Variants in F2 observed in about 807,000 individuals in gnomAD.
The protein encoded by F2 is prothrombin.
In F2, 34 loss-of-function variants were observed where a neutral mutation model predicts 81.9. The ratio of observed to expected loss-of-function variants is 0.42; its 90% CI spans 0.32 to 0.55. The LOEUF is 0.55. F2 is among the 20% of genes least tolerant of loss of function. The pLI is 0.18. For missense variants in F2, 630 were observed against 833.4 expected (o/e 0.76, Z 3.00); for synonymous variants, 296 against 326.4 (o/e 0.91, Z 1.01).
Position 46,726,048 on chromosome 11 carries a change from A to G in F2, c.749A>G (p.Asp250Gly). The change falls in exon 7 of 14, where the codon GAC (aspartate) becomes GGC (glycine). Residue 250 changes from aspartate (D) to glycine (G), a missense_variant. Transcript: ENST00000311907. This position sits in a 1 kb window ranked among gnomAD's most constrained non-coding sequence, Gnocchi z 5.9. ...AQAKALSKHQ[D>G]FNSAVQLVEN... ...GCCAAGGCCCTGAGCAAGCACCAGGACTTCAACTCAGCTGTGCAGCTGGTG... is the reference window on the plus strand; with the variant it reads ...GCCAAGGCCCTGAGCAAGCACCAGGGCTTCAACTCAGCTGTGCAGCTGGTG... 1 of 1,614,174 alleles carries G rather than the reference A, an allele frequency of 6.2e-7. No homozygotes were observed. The highest frequency in any genetic ancestry group is 8.5e-7 in the Non-Finnish European group (1 of 1,180,024).
intron 6 of F2, among the ~76,000 whole-genome samples, chr11:46,724,558 C>T (rs1292750984): frequency 6.6e-6 from 1 of 152,182 alleles, no homozygotes; most frequent in African/African-American, 2.4e-5. Context: ...GCACAGTCAG[C>T]CCTGCCCACG....
chr11:46,731,457 A>G (rs2064911436), intron 12 of F2, among the ~76,000 whole-genome samples: 1 of 152,136 alleles, frequency 6.6e-6, no homozygotes, highest in Admixed American at 6.6e-5. Flanking sequence ...CTGGGATTAC[A>G]GGCGTGAGCC....
In F2 at chr11:46,726,386, G is replaced by A. The variant is rs1283328474; in HGVS notation, c.875-112G>A. The A allele has an allele frequency of 1.3e-6, 2 of 1,540,252 alleles. No individual in the cohort carries two copies. The highest frequency in any genetic ancestry group is 1.8e-6 in the Non-Finnish European group (2 of 1,139,208). On this transcript the variant is annotated intron_variant, in intron 7 of 13. Transcript: ENST00000311907. This position sits in a 1 kb window ranked among gnomAD's most constrained non-coding sequence, Gnocchi z 5.9. ...CCTAGTAGCCCAACTGTGCATGCAC[G>A]CTTAACCTCTGCACCAAATGGCCTC...
At chr11:46,729,651 C>A in intron 12 of F2, 90 bp downstream of exon 12, 1 of 1,466,060 alleles carries the variant, frequency 6.8e-7, no homozygotes, top group Non-Finnish European at 9.3e-7. Flanking sequence ...TGACTTTGAG[C>A]AAGTTGCCTA....
intron 12 of F2, 131 bp from the exon 13 acceptor site, chr11:46,738,917 G>A (rs2064960428): frequency 7.9e-6 from 7 of 890,956 alleles, no homozygotes; most frequent in South Asian, 5.5e-5. Flanking sequence ...GATTGGATGG[G>A]TAGGGTGAGG....
intron 12 of F2, among the ~76,000 whole-genome samples, chr11:46,735,749 CCT>C (rs1240610314): frequency 6.6e-6 from 1 of 151,660 alleles, no homozygotes; most frequent in African/African-American, 2.4e-5. Context: ...ATGGAAAAAC[CCT>C]GTCTCTGCTA....
rs114621986 is a variant in F2 at position 46,731,682 on chromosome 11, C to G, written c.1654+2121C>G. On this transcript the variant is annotated intron_variant, in intron 12 of 13. Coordinates refer to ENST00000311907, the MANE Select transcript of F2 (RefSeq NM_000506.5). Reference sequence around the variant, plus strand: ...GAGTGCAGTCTGGTTATTTTGTACACTGGCCCTGAATCCGGGTTTGTCTAA... The same window carrying G: ...GAGTGCAGTCTGGTTATTTTGTACAGTGGCCCTGAATCCGGGTTTGTCTAA... 1.7e-3 allele frequency among the ~76,000 whole-genome samples: 259 copies of G among 151,870 alleles called. 3 individuals are homozygous for G. Among genetic ancestry groups the G allele is most frequent in the African/African-American group, 6.1e-3 (252 of 41,396 alleles).
chr11:46,728,013 G>C lies in F2; in HGVS notation c.1148G>C (p.Arg383Pro). The C allele has an allele frequency of 6.2e-7, 1 of 1,610,516 alleles. No homozygotes were observed. The highest frequency in any genetic ancestry group is 8.5e-7 in the Non-Finnish European group (1 of 1,178,984). The change falls in exon 10 of 14, where the codon CGG becomes CCG. Residue 383 changes from arginine (R) to proline (P), a missense_variant. By Grantham distance (103) the Arg-to-Pro change is moderately radical. Coordinates refer to ENST00000311907, the MANE Select transcript of F2 (RefSeq NM_000506.5). This position sits in a 1 kb window ranked among gnomAD's most constrained non-coding sequence, Gnocchi z 5.1. The part of the protein sequence containing the change: ...GMSPWQVMLF[R>P]KSPQELLCGA... Reference sequence around the variant, plus strand: ...CCTCCCAGGCAGGTGATGCTTTTCCGGAAGAGTCCCCAGGAGCTGCTGTGT... The same window carrying C: ...CCTCCCAGGCAGGTGATGCTTTTCCCGAAGAGTCCCCAGGAGCTGCTGTGT...
chr11:46,720,319 G>C, intron 2 of F2: 2 of 635,468 alleles, frequency 3.1e-6, no homozygotes, highest in Middle Eastern at 4.1e-4. Context: ...TTTCAGTCTC[G>C]GTGTGTGTGT....
At chr11:46,737,704 C>A (rs148368542) in intron 12 of F2, among the ~76,000 whole-genome samples, 1 of 152,136 alleles carries the variant, frequency 6.6e-6, no homozygotes, top group African/African-American at 2.4e-5. Flanking sequence ...TCCCAAAGTG[C>A]TGGTATTACG....
chr11:46,739,066 G>T lies in F2; in HGVS notation c.1673G>T (p.Gly558Val), dbSNP rs2134547696. Residue 558 changes from glycine to valine, a missense_variant, in exon 13 of 14, where the codon GGG becomes GTG. By Grantham distance (109) the Gly-to-Val change is moderately radical (BLOSUM62 -3). Transcript: ENST00000311907. ...MFCAGYKPDE[G>V]KRGDACEGDS... ...TTTCAAGGTTACAAGCCTGATGAAG[G>T]GAAACGAGGGGATGCCTGTGAAGGT... is the stretch of plus-strand genomic sequence containing the variant. 1.9e-6 allele frequency: 3 copies of T among 1,614,206 alleles called. No individual in the cohort carries two copies. Among genetic ancestry groups the T allele is most frequent in the African/African-American group, 2.7e-5 (2 of 75,054 alleles).
intron 12 of F2, among the ~76,000 whole-genome samples, chr11:46,738,062 A>G (rs1329972034): frequency 2.0e-5 from 3 of 152,010 alleles, no homozygotes; most frequent in Admixed American, 2.0e-4. Context: ...CAGTGGTGCA[A>G]TCCCGGCTCA....
At chr11:46,734,845 C>T (rs1438862687) in intron 12 of F2, among the ~76,000 whole-genome samples, 2 of 152,048 alleles carry the variant, frequency 1.3e-5, no homozygotes, top group Non-Finnish European at 1.5e-5. Context: ...AACAGAAAAG[C>T]CTTTCCTGAT....
Position 46,725,952 on chromosome 11 carries a change from G to T in F2, c.653G>T (p.Gly218Val). Reference protein sequence around the residue: ...PPLEQCVPDRGQQYQGRLAVT... With the variant: ...PPLEQCVPDRVQQYQGRLAVT... Reference sequence around the variant, plus strand: ...TTGGAGCAGTGTGTCCCTGATCGGGGGCAGCAGTACCAGGGGCGCCTGGCG... The same window carrying T: ...TTGGAGCAGTGTGTCCCTGATCGGGTGCAGCAGTACCAGGGGCGCCTGGCG... Residue 218 changes from glycine to valine, a missense_variant, in exon 7 of 14, where the codon GGG (glycine) becomes GTG (valine). Gly to Val is a moderately radical substitution (Grantham distance 109). Transcript: ENST00000311907. 2.5e-6 allele frequency: 4 copies of T among 1,613,962 alleles called. No individual in the cohort carries two copies. Among genetic ancestry groups the T allele is most frequent in the Non-Finnish European group, 3.4e-6 (4 of 1,180,036 alleles).
intron 12 of F2, among the ~76,000 whole-genome samples, chr11:46,733,055 T>TAA (rs554561059): frequency 6.0e-4 from 92 of 152,336 alleles, no homozygotes; most frequent in African/African-American, 1.9e-3. Flanking sequence ...ATCATCTATA[T>TAA]AAAAAACCAT....
Position 46,726,260 on chromosome 11 carries a change from C to T in F2, c.874+87C>T, listed in dbSNP as rs2064872416. ...CCGCTTCTGCTTATCGAACGCTTAC[C>T]TCATTGAGTGCGCTCATTACAGCCT... On this transcript the variant is annotated intron_variant, in intron 7 of 13. Coordinates refer to ENST00000311907, the MANE Select transcript of F2 (RefSeq NM_000506.5). The surrounding 1 kb of genome is among the most constrained non-coding windows in gnomAD (Gnocchi z 5.9). 3.2e-6 allele frequency: 5 copies of T among 1,548,454 alleles called. No homozygotes were observed. Among genetic ancestry groups the T allele is most frequent in the East Asian group, 2.3e-5 (1 of 44,042 alleles).
At chr11:46,737,411 G>T (rs941363560) in intron 12 of F2, among the ~76,000 whole-genome samples, 1 of 149,786 alleles carries the variant, frequency 6.7e-6, no homozygotes, top group Admixed American at 6.7e-5. Context: ...CAAAGTGCTG[G>T]GATTACAGGT....
At chr11:46,735,043 G>A (rs936341281) in intron 12 of F2, among the ~76,000 whole-genome samples, 2 of 152,146 alleles carry the variant, frequency 1.3e-5, no homozygotes, top group African/African-American at 4.8e-5. Flanking sequence ...GGCCAAGTGC[G>A]GTAGCTCACA....
rs530707338 is a variant in F2 at position 46,729,191 on chromosome 11, G to A, written c.1473-189G>A. On this transcript the variant is annotated intron_variant, in intron 11 of 13. Transcript: ENST00000311907. ...TGGTGGGTTTCACCGTGTCGGCCAGGTTGGTCTCGAACCCCTGACCTCAAG... is the reference window on the plus strand; with the variant it reads ...TGGTGGGTTTCACCGTGTCGGCCAGATTGGTCTCGAACCCCTGACCTCAAG... 9.9e-5 allele frequency among the ~76,000 whole-genome samples: 15 copies of A among 152,180 alleles called. No individual in the cohort carries two copies. The South Asian group carries it at 3.1e-3, about 32-fold the overall frequency.
Sources: allele counts gnomAD v4.1 joint callset (sites outside exome capture counted in the v4.1 genomes callset), GRCh38; gene constraint gnomAD v4.1.1; non-coding constraint Gnocchi (gnomAD v3.1); transcripts MANE v1.5; gene names NCBI Gene and HGNC (gene_info 2026-07-23, HGNC 2026-07-21).